The following EEIG2 variants were observed in gnomAD, a reference collection of about 807,000 sequenced individuals.
The protein encoded by EEIG2 is EEIG family member 2, also known as family with sequence similarity 102 member B.
At chr1:108,578,404 T>A in the EEIG2 span, among the ~76,000 whole-genome samples, 1 of 116,500 alleles carries the variant, frequency 8.6e-6, no homozygotes, top group Non-Finnish European at 1.7e-5. Context: ...GCTTCCAGTT[T>A]TTGCCCATTC....
chr1:108,628,560 A>G, the EEIG2 span: 2 of 1,609,698 alleles, frequency 1.2e-6, no homozygotes, highest in East Asian at 2.2e-5. Context: ...GATAAAGAAG[A>G]TACAGCTTCA....
chr1:108,578,681 GCCAGAGAGAAAGGTCGGGTTACCCA>G, the EEIG2 span, among the ~76,000 whole-genome samples: 1 of 151,894 alleles, frequency 6.6e-6, no homozygotes, highest in Non-Finnish European at 1.5e-5. Context: ...GTTAAGGGCA[GCCAGAGAGAAAGGTCGGGTTACCCA>G]CAAAGGGAAG....
At chr1:108,585,273 T>C in the EEIG2 span, among the ~76,000 whole-genome samples, 1 of 152,176 alleles carries the variant, frequency 6.6e-6, no homozygotes, top group Non-Finnish European at 1.5e-5. Flanking sequence ...AGATAACTTA[T>C]ATAAACCCTA....
chr1:108,591,297 T>TGC, the EEIG2 span, among the ~76,000 whole-genome samples: 2 of 152,202 alleles, frequency 1.3e-5, no homozygotes, highest in African/African-American at 2.4e-5. Context: ...GCTGTGTGTG[T>TGC]GCGTGTGTGT....
the EEIG2 span, chr1:108,627,005 C>CT: frequency 6.6e-6 from 1 of 152,160 alleles, no homozygotes; most frequent in Non-Finnish European, 1.5e-5. Context: ...GCTTCTACCT[C>CT]TAAACTCTAA....
At chr1:108,632,436 G>A in the EEIG2 span, among the ~76,000 whole-genome samples, 4 of 152,168 alleles carry the variant, frequency 2.6e-5, no homozygotes, top group African/African-American at 9.7e-5. Context: ...TTGCAGGGAA[G>A]TGACCTATCA....
chr1:108,572,111 C>T, the EEIG2 span, among the ~76,000 whole-genome samples: 1,463 of 152,282 alleles, frequency 9.6e-3, 23 homozygotes, highest in African/African-American at 0.033. Flanking sequence ...CATGTCTAAT[C>T]AGTATTTTCT....
At chr1:108,567,113 T>C in the EEIG2 span, among the ~76,000 whole-genome samples, 2 of 152,180 alleles carry the variant, frequency 1.3e-5, no homozygotes, top group South Asian at 2.1e-4. Context: ...ACAGTAAGTA[T>C]ATACAATTTT....
At chr1:108,616,440 C>T in the EEIG2 span, 2 of 1,538,854 alleles carry the variant, frequency 1.3e-6, no homozygotes, top group Admixed American at 3.4e-5. Context: ...TAAGTTGATA[C>T]CCAATAAATG....
At chr1:108,599,431 T>A in the EEIG2 span, among the ~76,000 whole-genome samples, 1 of 152,204 alleles carries the variant, frequency 6.6e-6, no homozygotes, top group Non-Finnish European at 1.5e-5. Context: ...TTATTTCATC[T>A]GTTATCTTTG....
At chr1:108,562,319 ACTC>A in the EEIG2 span, among the ~76,000 whole-genome samples, 2 of 152,100 alleles carry the variant, frequency 1.3e-5, no homozygotes, top group African/African-American at 4.8e-5. Context: ...CAAGGGGTAT[ACTC>A]CGCAAGACTT....
chr1:108,583,829 G>A, the EEIG2 span, among the ~76,000 whole-genome samples: 1 of 152,060 alleles, frequency 6.6e-6, no homozygotes, highest in Non-Finnish European at 1.5e-5. Context: ...ACAAGGGCCA[G>A]AGGACAGAAC....
the EEIG2 span, among the ~76,000 whole-genome samples, chr1:108,592,871 G>A: frequency 6.6e-6 from 1 of 152,084 alleles, no homozygotes; most frequent in African/African-American, 2.4e-5. Flanking sequence ...TGGGTGTGGT[G>A]ACTTGGCCAG....
the EEIG2 span, among the ~76,000 whole-genome samples, chr1:108,614,983 TGAG>T: frequency 6.6e-5 from 10 of 152,070 alleles, no homozygotes; most frequent in African/African-American, 2.4e-4. Flanking sequence ...GAAGAGATGA[TGAG>T]GAAATCAGTG....
chr1:108,618,722 C>G, the EEIG2 span, among the ~76,000 whole-genome samples: 2 of 151,756 alleles, frequency 1.3e-5, no homozygotes, highest in Non-Finnish European at 1.5e-5. Context: ...ACCTGTGGTT[C>G]CAGCTACTTG....
the EEIG2 span, chr1:108,606,297 TTA>T: frequency 7.5e-7 from 1 of 1,332,352 alleles, no homozygotes; most frequent in South Asian, 1.5e-5. Flanking sequence ...GTAATGTTGC[TTA>T]TTGCTATTTA....
chr1:108,618,027 T>C, the EEIG2 span, among the ~76,000 whole-genome samples: 1 of 152,128 alleles, frequency 6.6e-6, no homozygotes, highest in African/African-American at 2.4e-5. Flanking sequence ...ACAATTCTTA[T>C]GAGGGGTTTT....
chr1:108,606,535 G>T, the EEIG2 span, among the ~76,000 whole-genome samples: 1 of 152,160 alleles, frequency 6.6e-6, no homozygotes, highest in Non-Finnish European at 1.5e-5. Context: ...ATCTCACCTG[G>T]GAAGTGTTGC....
chr1:108,575,613 T>A, the EEIG2 span, among the ~76,000 whole-genome samples: 1 of 152,204 alleles, frequency 6.6e-6, no homozygotes, highest in Non-Finnish European at 1.5e-5. Context: ...ATCCATAGCA[T>A]GGAATATTAC....
Sources: gnomAD v4.1 joint callset for allele counts (sites outside exome capture counted in the v4.1 genomes callset) on GRCh38, gnomAD v4.1.1 for gene constraint, MANE v1.5 for transcripts, NCBI Gene and HGNC (gene_info 2026-07-23, HGNC 2026-07-21) for gene names.